Variants in ITGB4 observed in about 807,000 individuals in gnomAD.
ITGB4 encodes the protein integrin subunit beta 4.
ITGB4 carries 159 observed loss-of-function variants against 207.6 expected under a neutral mutation model. That is an observed-to-expected ratio of 0.77 (90% CI 0.67 to 0.87). The LOEUF (loss-of-function observed/expected upper bound fraction) is 0.87, where lower values mean the gene tolerates loss of function less well. Among genes scored for constraint, ITGB4 ranks in the 40% least tolerant of loss-of-function variants. ITGB4 has a pLI of 0.00. For synonymous variants in ITGB4, 1,020 were observed against 1,062.7 expected (o/e 0.96, Z 0.78); for missense variants, 2,278 against 2,546.8 (o/e 0.89, Z 2.27).
rs546161131 is a variant in ITGB4 at position 75,724,600 on chromosome 17, G to A, written c.-10-94G>A. 14 of 991,788 alleles carry A rather than the reference G, an allele frequency of 1.4e-5. No homozygotes were observed. In the East Asian group the frequency reaches 2.9e-4, roughly 20 times the overall value. 61.4% of individuals were successfully genotyped at this position (991,788 alleles called of 1,614,324 possible). A position where few individuals can be genotyped will look rare whatever the true frequency, so the allele number is the denominator to read the frequency against. ...CCCTTGGTCACATTGTTGGTGCTCA[G>A]AGCCTCAGTTCCCACAGCTGTGCAG... On this transcript the variant is annotated intron_variant, in intron 1 of 39. Transcript: ENST00000200181.
Position 75,729,363 on chromosome 17 carries a change from G to A in ITGB4, c.665G>A (p.Gly222Glu). The A allele has an allele frequency of 6.2e-7, 1 of 1,614,184 alleles. No individual in the cohort carries two copies. The highest frequency in any genetic ancestry group is 8.5e-7 in the Non-Finnish European group (1 of 1,180,032). The change falls in exon 7 of 40, where the codon GGA becomes GAA. Residue 222 changes from glycine to glutamate, a missense_variant. By Grantham distance (98) the Gly-to-Glu change is moderately conservative. Transcript: ENST00000200181. The surrounding 1 kb of genome is among the most constrained non-coding windows in gnomAD (Gnocchi z 4.4). The stretch of plus-strand genomic sequence containing the variant: ...GATGAGTTCCGGAATAAACTGCAGG[G>A]AGAGCGGATCTCAGGCAACCTGGAT... Reference protein sequence around the residue: ...DVDEFRNKLQGERISGNLDAP... With the variant: ...DVDEFRNKLQEERISGNLDAP...
intron 27 of ITGB4, among the ~76,000 whole-genome samples, chr17:75,749,390 T>C (rs2061313109): frequency 6.6e-6 from 1 of 151,812 alleles, no homozygotes. Flanking sequence ...TAGCTTGGCA[T>C]AGTGGTGTGC....
In ITGB4 at chr17:75,742,451, A is replaced by C. The variant is rs766238857; in HGVS notation, c.2744A>C (p.Lys915Thr). 1 of 1,613,204 alleles carries C rather than the reference A, an allele frequency of 6.2e-7. No individual in the cohort carries two copies. Among genetic ancestry groups the C allele is most frequent in the East Asian group, 2.2e-5 (1 of 44,864 alleles). Residue 915 changes from lysine to threonine, a missense_variant, in exon 24 of 40, where the codon AAG becomes ACG. Physicochemically the swap from Lys to Thr is moderately conservative, Grantham distance 78 (BLOSUM62 -1). Coordinates refer to ENST00000200181, the MANE Select transcript of ITGB4 (RefSeq NM_000213.5). This position sits in a 1 kb window ranked among gnomAD's most constrained non-coding sequence, Gnocchi z 5.9. Reference sequence around the variant, plus strand: ...GAACAGAGGGCCTTCCACGACCTCAAGGTGGCCCCCGGCTACTACACCCTC... The same window carrying C: ...GAACAGAGGGCCTTCCACGACCTCACGGTGGCCCCCGGCTACTACACCCTC... ...QVEQRAFHDLKVAPGYYTLTA... is the reference protein window; with the variant it reads ...QVEQRAFHDLTVAPGYYTLTA...
At chr17:75,725,307 T>A (rs372621259) in intron 2 of ITGB4, among the ~76,000 whole-genome samples, 39 of 152,320 alleles carry the variant, frequency 2.6e-4, no homozygotes, top group African/African-American at 9.1e-4. Flanking sequence ...GTTGTTATTT[T>A]TTTATTTAAT....
chr17:75,750,133 G>C lies in ITGB4; in HGVS notation c.3339G>C (p.Thr1113=), dbSNP rs760575008. The change falls in exon 28 of 40, where the codon ACG becomes ACC. Residue 1113 remains threonine, a synonymous_variant. Coordinates refer to ENST00000200181, the MANE Select transcript of ITGB4 (RefSeq NM_000213.5). This position sits in a 1 kb window ranked among gnomAD's most constrained non-coding sequence, Gnocchi z 5.5. The stretch of plus-strand genomic sequence containing the variant: ...TAGATGAACTGGACCGGAGCTTCAC[G>C]AGTCAGATGTTGTCATCACAGCCAC... The part of the protein sequence containing the change: ...RDPDELDRSF[T]SQMLSSQPPP... 1.2e-6 allele frequency: 2 copies of C among 1,613,712 alleles called. No individual in the cohort carries two copies. The highest frequency in any genetic ancestry group is 2.2e-5 in the South Asian group (2 of 91,076).
Position 75,753,939 on chromosome 17 carries a change from G to A in ITGB4, c.4283G>A (p.Ser1428Asn). The change falls in exon 33 of 40, where the codon AGC (serine) becomes AAC (asparagine). Residue 1428 changes from serine to asparagine, a missense_variant. Ser to Asn is a conservative substitution (Grantham distance 46). Transcript: ENST00000200181. ...GGCGGCGCGGGCGGGAAGGGCGGCAGCCTGCCCCGCAGTGCGACACCCGGG... is the reference window on the plus strand; with the variant it reads ...GGCGGCGCGGGCGGGAAGGGCGGCAACCTGCCCCGCAGTGCGACACCCGGG... ...DDGGAGGKGG[S>N]LPRSATPGPP... 1 of 1,277,956 alleles carries A rather than the reference G, an allele frequency of 7.8e-7. No homozygotes were observed. The allele number at this position is 1,277,956 out of a possible 1,614,324, so 79.2% of individuals were successfully genotyped here.
chr17:75,741,216 A>G, intron 23 of ITGB4: 2 of 659,182 alleles, frequency 3.0e-6, no homozygotes, highest in Non-Finnish European at 5.4e-6. Context: ...CCCCTGGACT[A>G]GAGCAGGCAA....
At position 75,757,071 on chromosome 17, in the gene ITGB4, C is replaced by T. The variant is rs759302516; in HGVS notation, c.5182C>T (p.Arg1728Cys). The change falls in exon 38 of 40, where the codon CGC (arginine) becomes TGC (cysteine). Residue 1728 changes from arginine (R) to cysteine (C), a missense_variant. Transcript: ENST00000200181. ...GACCACTGAGGGCTTCGGGCCAGAG[C>T]GCGAGGGCATCATCACCATAGAGTC... ...ARTTEGFGPE[R>C]EGIITIESQD... 3.7e-6 allele frequency: 6 copies of T among 1,612,958 alleles called. No homozygotes were observed. Among genetic ancestry groups the T allele is most frequent in the East Asian group, 2.2e-5 (1 of 44,872 alleles).
In ITGB4 at chr17:75,729,075, T is replaced by C. The variant is rs1017192730; in HGVS notation, c.567-190T>C. 4.0e-5 allele frequency among the ~76,000 whole-genome samples: 6 copies of C among 150,876 alleles called. No individual in the cohort carries two copies. Among genetic ancestry groups the C allele is most frequent in the Non-Finnish European group, 7.4e-5 (5 of 67,868 alleles). On this transcript the variant is annotated intron_variant, in intron 6 of 39. Coordinates refer to ENST00000200181, the MANE Select transcript of ITGB4 (RefSeq NM_000213.5). This position sits in a 1 kb window ranked among gnomAD's most constrained non-coding sequence, Gnocchi z 4.4. ...TGGGAGGCTGAGGCAGGAGAATCAC[T>C]TGAACCCAGGAGGCAGAGGTTGCAG...
At chr17:75,725,622 ATTGT>A (rs1179251313) in intron 2 of ITGB4, among the ~76,000 whole-genome samples, 7 of 152,188 alleles carry the variant, frequency 4.6e-5, no homozygotes, top group Non-Finnish European at 1.0e-4. Context: ...CACCACAGCC[ATTGT>A]TAAACACTGA....
intron 26 of ITGB4, among the ~76,000 whole-genome samples, chr17:75,748,197 C>CAAA (rs57537115): frequency 0.033 from 2,577 of 78,566 alleles, 124 homozygotes; most frequent in Non-Finnish European, 0.035. Flanking sequence ...CGTGCCTCTA[C>CAAA]AAAAAAAAAA....
At position 75,727,429 on chromosome 17, in the gene ITGB4, C is replaced by A. The variant is rs1166211415; in HGVS notation, c.188C>A (p.Thr63Asn). The A allele has an allele frequency of 1.9e-6, 3 of 1,614,042 alleles. No individual in the cohort carries two copies. In the South Asian group the frequency reaches 3.3e-5, roughly 18 times the overall value. ...ATGTTCAGGGACCGGCGCTGCAACACCCAGGCGGAGCTGCTGGCCGCGGGC... is the reference window on the plus strand; with the variant it reads ...ATGTTCAGGGACCGGCGCTGCAACAACCAGGCGGAGCTGCTGGCCGCGGGC... ...DEMFRDRRCNTQAELLAAGCQ... is the reference protein window; with the variant it reads ...DEMFRDRRCNNQAELLAAGCQ... The change falls in exon 4 of 40, where the codon ACC (threonine) becomes AAC (asparagine). Residue 63 changes from threonine to asparagine, a missense_variant. Physicochemically the swap from Thr to Asn is moderately conservative, Grantham distance 65 (BLOSUM62 0). Transcript: ENST00000200181. The surrounding 1 kb of genome is among the most constrained non-coding windows in gnomAD (Gnocchi z 6.0).
In ITGB4 at chr17:75,757,316, C is replaced by A. The variant is rs536616354; in HGVS notation, c.5329+6C>A. 1.2e-6 allele frequency: 2 copies of A among 1,612,488 alleles called. No homozygotes were observed. The highest frequency in any genetic ancestry group is 4.5e-5 in the East Asian group (2 of 44,880). ...CACCGAGCCCTTCCTAGTGGGTGAG[C>A]ACTGAGGGCTAGGGGATCCCGGCTC... On this transcript the variant is annotated splice_donor_region_variant and intron_variant, in intron 39 of 39. Coordinates refer to ENST00000200181, the MANE Select transcript of ITGB4 (RefSeq NM_000213.5).
At chr17:75,745,366 C>A (rs1457186436) in intron 26 of ITGB4, among the ~76,000 whole-genome samples, 1 of 151,806 alleles carries the variant, frequency 6.6e-6, no homozygotes, top group Non-Finnish European at 1.5e-5. Flanking sequence ...GTACTTCAGC[C>A]TAGGCAACAG....
In ITGB4 at chr17:75,729,505, C is replaced by T; in HGVS notation, c.738+69C>T. The T allele has an allele frequency of 1.3e-6, 2 of 1,508,972 alleles. No individual in the cohort carries two copies. Among genetic ancestry groups the T allele is most frequent in the Non-Finnish European group, 1.8e-6 (2 of 1,110,312 alleles). 93.5% of individuals were successfully genotyped at this position (1,508,972 alleles called of 1,614,324 possible). ...CACTTCTGGGCAAGGGCCTGAGCTG[C>T]CCCCTGGCCTGCTCTGGTGCCAGGC... On this transcript the variant is annotated intron_variant, in intron 7 of 39. Coordinates refer to ENST00000200181, the MANE Select transcript of ITGB4 (RefSeq NM_000213.5). The surrounding 1 kb of genome is among the most constrained non-coding windows in gnomAD (Gnocchi z 4.4).
chr17:75,751,354 C>T (rs958171534), intron 30 of ITGB4, among the ~76,000 whole-genome samples: 2 of 152,178 alleles, frequency 1.3e-5, no homozygotes, highest in Non-Finnish European at 2.9e-5. Context: ...GGAGTGAGGT[C>T]ACAGGCCCAG....
intron 12 of ITGB4, among the ~76,000 whole-genome samples, chr17:75,733,258 T>C (rs2060901656): frequency 6.7e-6 from 1 of 148,694 alleles, no homozygotes; most frequent in Admixed American, 6.7e-5. Flanking sequence ...TAGTGGCGGG[T>C]GCCTGTAGTC....
At position 75,756,864 on chromosome 17, in the gene ITGB4, T is replaced by C; in HGVS notation, c.5053+5T>C. ...GTGAGATGGCCCAAGGAGGAGGTGC[T>C]GCCCACCCCGGGGGCAGGAGTGGCC... is the stretch of plus-strand genomic sequence containing the variant. On this transcript the variant is annotated splice_donor_5th_base_variant and intron_variant, in intron 37 of 39. Coordinates refer to ENST00000200181, the MANE Select transcript of ITGB4 (RefSeq NM_000213.5). The C allele has an allele frequency of 6.2e-7, 1 of 1,612,228 alleles. No homozygotes were observed. Among genetic ancestry groups the C allele is most frequent in the Non-Finnish European group, 8.5e-7 (1 of 1,179,924 alleles).
rs974282923 is a variant in ITGB4, at chr17:75,722,008, G to A, written c.-11+396G>A. 1.3e-5 allele frequency among the ~76,000 whole-genome samples: 2 copies of A among 152,212 alleles called. No homozygotes were observed. Among genetic ancestry groups the A allele is most frequent in the South Asian group, 2.1e-4 (1 of 4,830 alleles). On this transcript the variant is annotated intron_variant, in intron 1 of 39. Coordinates refer to ENST00000200181, the MANE Select transcript of ITGB4 (RefSeq NM_000213.5). The surrounding 1 kb of genome is among the most constrained non-coding windows in gnomAD (Gnocchi z 6.2). ...ATAAACCAACATTCCTGACTTTTAT[G>A]TGAAATTTCGTTCTTTCTAACATTG...
Sources: allele counts gnomAD v4.1 joint callset (sites outside exome capture counted in the v4.1 genomes callset), GRCh38; gene constraint gnomAD v4.1.1; non-coding constraint Gnocchi (gnomAD v3.1); transcripts MANE v1.5; gene names NCBI Gene and HGNC (gene_info 2026-07-23, HGNC 2026-07-21).